ZMAT1: variants seen among roughly 807,000 people sequenced by gnomAD.
The protein encoded by ZMAT1 is zinc finger matrin-type 1.
Under a neutral mutation model 18.5 loss-of-function variants are expected in ZMAT1, and 11 were observed. That is an observed-to-expected ratio of 0.59 (90% confidence interval 0.37 to 0.98). The LOEUF (loss-of-function observed/expected upper bound fraction) is 0.98. Ranked by LOEUF, ZMAT1 falls within the 50% of genes least tolerant of loss-of-function variation. The pLI is 0.01. For synonymous variants in ZMAT1, 211 were observed against 176.4 expected, an observed-to-expected ratio of 1.20 and a Z score of -1.55; for missense variants, 525 against 496.2, an observed-to-expected ratio of 1.06 and a Z score of -0.55.
rs1930513726 is a variant in ZMAT1 at position 101,931,778 on chromosome X, C to T, written c.231G>A (p.Met77Ile). 1.3e-6 allele frequency: 1 copy of T among 779,257 alleles called. No homozygotes were observed. Among genetic ancestry groups the T allele is most frequent in the South Asian group, 5.4e-5 (1 of 18,618 alleles). 64.2% of individuals were successfully genotyped at this position (779,257 alleles called of 1,213,427 possible). Reference sequence around the variant, plus strand: ...TACTGCCCCCCCTCCCCGCCGCCGCCATAGTGGAGCCGCCAAAGCCGCCGC... The same window carrying T: ...TACTGCCCCCCCTCCCCGCCGCCGCTATAGTGGAGCCGCCAAAGCCGCCGC... ...GGGGGFGGST[M>I]AAAGRGGSSF... Residue 77 changes from methionine (M) to isoleucine (I), a missense_variant, in exon 1 of 6, where the codon ATG (methionine) becomes ATA (isoleucine). Physicochemically the swap from Met to Ile is conservative, Grantham distance 10 (BLOSUM62 1). Transcript: ENST00000651725.
intron 1 of ZMAT1, among the ~76,000 whole-genome samples, chrX:101,914,755 T>C (rs1929197711): frequency 9.0e-6 from 1 of 110,899 alleles, no homozygotes; most frequent in Non-Finnish European, 1.9e-5. Context: ...TAAATTCTAG[T>C]AAACATTTAA....
At chrX:101,888,834 C>A (rs1301922640) in intron 4 of ZMAT1, 1 of 111,882 alleles carries the variant, frequency 8.9e-6, no homozygotes, top group Non-Finnish European at 1.9e-5. Flanking sequence ...AGATTGGACA[C>A]CTCTACCCTA....
At chrX:101,904,945 A>T (rs1928504596) in intron 1 of ZMAT1, among the ~76,000 whole-genome samples, 1 of 111,627 alleles carries the variant, frequency 9.0e-6, no homozygotes, top group Admixed American at 9.5e-5. Context: ...TCAAACAAAC[A>T]AACAAAAAAC....
At chrX:101,910,246 C>T (rs1005109403) in intron 1 of ZMAT1, among the ~76,000 whole-genome samples, 1 of 112,703 alleles carries the variant, frequency 8.9e-6, no homozygotes, top group African/African-American at 3.2e-5. Context: ...GAAGACACAG[C>T]TTAGATCACA....
intron 2 of ZMAT1, among the ~76,000 whole-genome samples, chrX:101,901,053 T>C (rs1425640843): frequency 9.0e-6 from 1 of 111,543 alleles, no homozygotes; most frequent in Non-Finnish European, 1.9e-5. Context: ...ATTCCTAATT[T>C]TTTTTTCTTT....
intron 4 of ZMAT1, chrX:101,889,428 T>C (rs1603273998): frequency 9.0e-6 from 1 of 111,516 alleles, no homozygotes; most frequent in African/African-American, 3.3e-5. Flanking sequence ...TGGGGCCTAC[T>C]CTTCCCCTAA....
intron 5 of ZMAT1, among the ~76,000 whole-genome samples, chrX:101,885,995 A>G (rs941697970): frequency 3.6e-5 from 4 of 111,931 alleles, no homozygotes; most frequent in African/African-American, 1.3e-4. Flanking sequence ...AAAAGCATCA[A>G]TACAAAGATA....
At chrX:101,900,842 G>C (rs749247048) in intron 2 of ZMAT1, among the ~76,000 whole-genome samples, 8 of 111,574 alleles carry the variant, frequency 7.2e-5, no homozygotes, top group African/African-American at 2.6e-4. Flanking sequence ...CGTGAAGAAT[G>C]ATGGTGGTAT....
chrX:101,895,817 T>C, intron 4 of ZMAT1: 2 of 752,022 alleles, frequency 2.7e-6, no homozygotes, highest in South Asian at 1.4e-4. Context: ...ATCCCACCTG[T>C]AGGAGGCTTG....
chrX:101,885,039 C>T (rs375564650), intron 5 of ZMAT1, among the ~76,000 whole-genome samples: 24 of 111,047 alleles, frequency 2.2e-4, no homozygotes, highest in African/African-American at 6.9e-4. Context: ...AGCCATAAAT[C>T]ATGACTTTCT....
intron 5 of ZMAT1, 95 bp downstream of exon 5, chrX:101,886,537 T>C (rs763413327): frequency 1.8e-5 from 10 of 559,696 alleles, no homozygotes; most frequent in Admixed American, 3.5e-5. Flanking sequence ...CATAGGGACA[T>C]GAATGCCTAA....
chrX:101,891,186 G>T (rs867752138), intron 4 of ZMAT1, among the ~76,000 whole-genome samples: 1 of 111,738 alleles, frequency 8.9e-6, no homozygotes, highest in African/African-American at 3.3e-5. Context: ...GAAGCAGGGA[G>T]ATTGGTGTAA....
At chrX:101,889,930 T>C (rs747681655) in intron 4 of ZMAT1, 1 of 112,276 alleles carries the variant, frequency 8.9e-6, no homozygotes, top group Non-Finnish European at 1.9e-5. Context: ...ATTTATGTTA[T>C]AAAGAAAAAC....
At chrX:101,897,012 T>A (rs1359638126) in intron 4 of ZMAT1, among the ~76,000 whole-genome samples, 1 of 110,374 alleles carries the variant, frequency 9.1e-6, no homozygotes, top group African/African-American at 3.3e-5. Flanking sequence ...CAGTAACTTT[T>A]TTTTTGCCTA....
intron 3 of ZMAT1, 33 bp downstream of exon 3, chrX:101,898,086 G>A (rs763989703): frequency 1.7e-6 from 2 of 1,207,538 alleles, no homozygotes; most frequent in African/African-American, 3.5e-5. Flanking sequence ...ATAACTCAAA[G>A]TTTGGATTAC....
In ZMAT1 at chrX:101,931,936, C is replaced by T. The variant is rs1019171607; in HGVS notation, c.73G>A (p.Ala25Thr). The T allele has an allele frequency of 6.4e-6, 5 of 779,932 alleles. No individual in the cohort carries two copies. Among genetic ancestry groups the T allele is most frequent in the Non-Finnish European group, 7.6e-6 (5 of 658,468 alleles). The allele number at this position is 779,932 out of a possible 1,213,427, so 64.3% of individuals were successfully genotyped here. A position where few individuals can be genotyped will look rare whatever the true frequency, so the allele number is the denominator to read the frequency against. Residue 25 changes from alanine (A) to threonine (T), a missense_variant, in exon 1 of 6, where the codon GCC becomes ACC. Transcript: ENST00000651725. ...CAGGCGGTGTAGGAGGAGGAGGAGG[C>T]GGCAGAGACGGTAGCTTCCTGAGGG... Reference protein sequence around the residue: ...SSPQEATVSAASSSSYTACAA... With the variant: ...SSPQEATVSATSSSSYTACAA...
Position 101,898,129 on chromosome X carries a change from T to C in ZMAT1, c.491A>G (p.Glu164Gly). 8.3e-7 allele frequency: 1 copy of C among 1,210,447 alleles called. No individual in the cohort carries two copies. Among genetic ancestry groups the C allele is most frequent in the Non-Finnish European group, 1.1e-6 (1 of 894,281 alleles). ...ACACACATCACTCACCTGAAAATTC[T>C]CAACATGCATCTTCATTTTCTTACC... Reference protein sequence around the residue: ...VPGKKMKMHVENFQVHRYEGV... With the variant: ...VPGKKMKMHVGNFQVHRYEGV... The change falls in exon 3 of 6, where the codon GAG (glutamate) becomes GGG (glycine). Residue 164 changes from glutamate (E) to glycine (G), a missense_variant. By Grantham distance (98) the Glu-to-Gly change is moderately conservative. Transcript: ENST00000651725.
intron 4 of ZMAT1, among the ~76,000 whole-genome samples, chrX:101,891,356 T>C (rs1927380249): frequency 9.0e-6 from 1 of 111,647 alleles, no homozygotes; most frequent in Non-Finnish European, 1.9e-5. Flanking sequence ...CAGATGTATG[T>C]GTTGTTTTAA....
rs1569426918 is a variant in ZMAT1, at chrX:101,884,184, T to C, written c.1414A>G (p.Arg472Gly). ...TCTACAGAGCTATCTCCTATCTTTC[T>C]GAAACAAGTTTTTGGCTCTAGTCCT... Reference protein sequence around the residue: ...ARGLEPKTCFRKIGDSSVETH... With the variant: ...ARGLEPKTCFGKIGDSSVETH... Residue 472 changes from arginine (R) to glycine (G), a missense_variant, in exon 6 of 6, where the codon AGA (arginine) becomes GGA (glycine). Transcript: ENST00000651725. 1 of 1,211,534 alleles carries C rather than the reference T, an allele frequency of 8.3e-7. No homozygotes were observed. Among genetic ancestry groups the C allele is most frequent in the Non-Finnish European group, 1.1e-6 (1 of 895,316 alleles).
Sources: gnomAD v4.1 joint callset for allele counts (sites outside exome capture counted in the v4.1 genomes callset) on GRCh38, gnomAD v4.1.1 for gene constraint, MANE v1.5 for transcripts, NCBI Gene and HGNC (gene_info 2026-07-23, HGNC 2026-07-21) for gene names.